The following CCZ1 variants were observed in gnomAD, a reference collection of about 807,000 sequenced individuals.
CCZ1 encodes the protein vacuolar fusion protein CCZ1 homolog.
Under a neutral mutation model 57.8 loss-of-function variants are expected in CCZ1, and 19 were observed. The observed-to-expected ratio is 0.33, with a 90% CI of 0.23 to 0.48. CCZ1 has a LOEUF of 0.48. Among genes scored for constraint, CCZ1 ranks in the 20% least tolerant of loss-of-function variants. The probability of loss-of-function intolerance (pLI) is 0.99; values close to 1 mark genes in which losing one functional copy is unlikely to be tolerated. For missense variants in CCZ1, 200 were observed against 492.0 expected, an observed-to-expected ratio of 0.41 and a Z score of 5.61; for synonymous variants, 81 against 167.0, an observed-to-expected ratio of 0.49 and a Z score of 3.97.
chr7:5,906,692 G>C (rs1340429557), intron 7 of CCZ1, among the ~76,000 whole-genome samples: 1 of 149,384 alleles, frequency 6.7e-6, no homozygotes, highest in Non-Finnish European at 1.5e-5. Flanking sequence ...TAATAGAAAA[G>C]GCAAAACTAG....
intron 7 of CCZ1, among the ~76,000 whole-genome samples, chr7:5,907,884 A>G (rs1781871655): frequency 7.9e-6 from 1 of 126,900 alleles, no homozygotes; most frequent in South Asian, 3.1e-4. Flanking sequence ...ATCACTTGAG[A>G]CCAGGAGTTC....
intron 10 of CCZ1, among the ~76,000 whole-genome samples, chr7:5,913,281 G>A (rs948661844): frequency 8.1e-6 from 1 of 123,438 alleles, no homozygotes; most frequent in Non-Finnish European, 1.7e-5. Flanking sequence ...CCGTAGCCAC[G>A]TGTCTGTGCA....
chr7:5,900,988 G>C, intron 4 of CCZ1, 56 bp downstream of exon 4: 1 of 1,024,128 alleles, frequency 9.8e-7, no homozygotes, highest in Non-Finnish European at 1.3e-6. Context: ...TGCTGAGTAT[G>C]TTGAATGCCT....
Position 5,905,286 on chromosome 7 carries a change from G to A in CCZ1, c.698+17G>A, listed in dbSNP as rs772965113. ...GCTCATCTGGTAGGTACACCCCGAG[G>A]CATGGTATTAAAAGAAGAAATTAAG... On this transcript the variant is annotated intron_variant, in intron 7 of 14. Transcript: ENST00000325974. The A allele has an allele frequency of 9.4e-5, 129 of 1,374,592 alleles. 9 individuals carry two copies. The South Asian group carries it at 1.5e-3, about 16-fold the overall frequency. The allele number at this position is 1,374,592 out of a possible 1,614,324, so 85.1% of individuals were successfully genotyped here. A position where few individuals can be genotyped will look rare whatever the true frequency, so the allele number is the denominator to read the frequency against.
intron 10 of CCZ1, among the ~76,000 whole-genome samples, chr7:5,914,825 G>A (rs1779117634): frequency 7.0e-6 from 1 of 143,278 alleles, no homozygotes; most frequent in African/African-American, 2.6e-5. Context: ...GCAGTGAGCT[G>A]AGCTTACGCC....
chr7:5,908,817 G>A (rs1408935762), intron 7 of CCZ1, among the ~76,000 whole-genome samples: 1 of 143,688 alleles, frequency 7.0e-6, no homozygotes, highest in Non-Finnish European at 1.5e-5. Flanking sequence ...GCTCCTTCCT[G>A]CCTCATTTCA....
intron 8 of CCZ1, among the ~76,000 whole-genome samples, chr7:5,911,615 G>C (rs2128612880): frequency 6.7e-6 from 1 of 149,204 alleles, no homozygotes; most frequent in South Asian, 2.2e-4. Flanking sequence ...AAACTAGCCA[G>C]GTTTGGTCAC....
At chr7:5,920,549 G>A (rs1280402705) in intron 12 of CCZ1, among the ~76,000 whole-genome samples, 17 of 114,238 alleles carry the variant, frequency 1.5e-4, no homozygotes, top group African/African-American at 5.1e-4. Flanking sequence ...TTGGCTCACT[G>A]CAGCCTCCGC....
intron 12 of CCZ1, among the ~76,000 whole-genome samples, chr7:5,920,840 G>A (rs1231036776): frequency 3.4e-5 from 4 of 116,184 alleles, no homozygotes; most frequent in East Asian, 2.2e-4. Context: ...AGCACTTTGC[G>A]AAGTTGAAGT....
intron 12 of CCZ1, among the ~76,000 whole-genome samples, chr7:5,920,501 A>G (rs868711092): frequency 0.01 from 716 of 70,828 alleles, 2 homozygotes; most frequent in African/African-American, 0.037. Context: ...ACAAATTCCC[A>G]CTCTGTCGCC....
intron 7 of CCZ1, among the ~76,000 whole-genome samples, chr7:5,906,810 T>C (rs990596254): frequency 6.6e-6 from 1 of 150,950 alleles, no homozygotes; most frequent in African/African-American, 2.5e-5. Context: ...ACTTGGTGGG[T>C]TTCCACATGA....
Position 5,911,934 on chromosome 7 carries a change from G to T in CCZ1, c.842+12G>T, listed in dbSNP as rs1239690303. 11 of 1,566,292 alleles carry T rather than the reference G, an allele frequency of 7.0e-6. No homozygotes were observed. Among genetic ancestry groups the T allele is most frequent in the Non-Finnish European group, 9.5e-6 (11 of 1,160,068 alleles). The stretch of plus-strand genomic sequence containing the variant: ...CAACACTATGGAAGGTAGGACTTCT[G>T]TTCTTTGATTTATGATACTGGGTTT... On this transcript the variant is annotated intron_variant, in intron 9 of 14. Transcript: ENST00000325974.
chr7:5,899,335 GT>G (rs1349507807), intron 1 of CCZ1, among the ~76,000 whole-genome samples: 14 of 800 alleles, frequency 0.018, 1 homozygote, highest in South Asian at 0.036. Context: ...CGGGAGGGGG[GT>G]GTGTGTGTGT....
intron 10 of CCZ1, among the ~76,000 whole-genome samples, chr7:5,915,576 C>G (rs1779132263): frequency 1.3e-5 from 2 of 151,414 alleles, no homozygotes; most frequent in African/African-American, 4.8e-5. Flanking sequence ...ACAACTCACC[C>G]TCGTACACTT....
In CCZ1 at chr7:5,907,203, A is replaced by G. The variant is rs1781851472; in HGVS notation, c.698+1934A>G. Reference sequence around the variant, plus strand: ...GACAAATAGTTTATCAGGCAACCTTACACTGTACTGACTCAGCTATAGTTG... The same window carrying G: ...GACAAATAGTTTATCAGGCAACCTTGCACTGTACTGACTCAGCTATAGTTG... On this transcript the variant is annotated intron_variant, in intron 7 of 14. Coordinates refer to ENST00000325974, the MANE Select transcript of CCZ1 (RefSeq NM_015622.6). Among the ~76,000 whole-genome samples the G allele has an allele frequency of 1.3e-5, 2 of 149,666 alleles. 1 individual carries two copies. The highest frequency in any genetic ancestry group is 4.3e-4 in the East Asian group (2 of 4,616).
chr7:5,909,077 A>G (rs1417709892), intron 7 of CCZ1, among the ~76,000 whole-genome samples: 1 of 143,316 alleles, frequency 7.0e-6, no homozygotes, highest in East Asian at 2.3e-4. Context: ...CCTACACGGA[A>G]TTCAACCAGC....
intron 12 of CCZ1, among the ~76,000 whole-genome samples, chr7:5,923,046 CGG>C (rs1562547402): frequency 2.2e-5 from 3 of 134,354 alleles, no homozygotes; most frequent in South Asian, 4.4e-4. Flanking sequence ...GGGCCGGGCG[CGG>C]GGGCTCACGC....
intron 14 of CCZ1, among the ~76,000 whole-genome samples, chr7:5,924,444 C>T (rs1232853060): frequency 6.0e-4 from 56 of 93,352 alleles, no homozygotes; most frequent in African/African-American, 1.9e-3. Context: ...CTTGCTCTGT[C>T]GCACAGGCTG....
rs1305629051 is a variant in CCZ1 at position 5,925,867 on chromosome 7, G to C, written c.*180G>C. On this transcript the variant is annotated 3_prime_UTR_variant, in exon 15 of 15. Coordinates refer to ENST00000325974, the MANE Select transcript of CCZ1 (RefSeq NM_015622.6). ...GTTTTTAGATTTTAAATATTTATGT[G>C]GAATTAATTAAAGGTAGTTGGCTAT... 9 of 772,870 alleles carry C rather than the reference G, an allele frequency of 1.2e-5. No individual in the cohort carries two copies. Among genetic ancestry groups the C allele is most frequent in the Non-Finnish European group, 1.9e-5 (9 of 463,816 alleles). 47.9% of individuals were successfully genotyped at this position (772,870 alleles called of 1,614,324 possible). A position where few individuals can be genotyped will look rare whatever the true frequency, so the allele number is the denominator to read the frequency against.
Sources: gnomAD v4.1 joint callset for allele counts (sites outside exome capture counted in the v4.1 genomes callset) on GRCh38, gnomAD v4.1.1 for gene constraint, MANE v1.5 for transcripts, NCBI Gene and HGNC (gene_info 2026-07-23, HGNC 2026-07-21) for gene names.